Variants in PPP1R3A observed in about 807,000 individuals in gnomAD.
PPP1R3A encodes the protein RG1.
In PPP1R3A, 29 loss-of-function variants were observed where a neutral mutation model predicts 41.7. The observed-to-expected ratio is 0.70, with a 90% CI of 0.52 to 0.95. The LOEUF (loss-of-function observed/expected upper bound fraction) is 0.95, where lower values mean the gene tolerates loss of function less well. Among genes scored for constraint, PPP1R3A ranks in the 40% least tolerant of loss-of-function variants. The probability of loss-of-function intolerance (pLI) is 0.00; values close to 1 mark genes in which losing one functional copy is unlikely to be tolerated. For missense variants in PPP1R3A, 1,352 were observed against 1,292.4 expected, an observed-to-expected ratio of 1.05 and a Z score of -0.71; for synonymous variants, 485 against 453.4, an observed-to-expected ratio of 1.07 and a Z score of -0.89.
chr7:113,914,441 T>C (rs970616066), intron 1 of PPP1R3A, among the ~76,000 whole-genome samples: 2 of 152,140 alleles, frequency 1.3e-5, no homozygotes, highest in Non-Finnish European at 2.9e-5. Flanking sequence ...TAAGTTCTCT[T>C]CCAGCTTTAA....
chr7:113,911,787 C>T (rs1797256200), intron 1 of PPP1R3A, among the ~76,000 whole-genome samples: 1 of 152,016 alleles, frequency 6.6e-6, no homozygotes, highest in African/African-American at 2.4e-5. Context: ...GTCCTGGTAG[C>T]AGGAATGATG....
intron 1 of PPP1R3A, among the ~76,000 whole-genome samples, chr7:113,899,118 A>T (rs538447910): frequency 5.3e-4 from 80 of 151,740 alleles, no homozygotes; most frequent in African/African-American, 1.8e-3. Flanking sequence ...AGAGTCAGTA[A>T]CTCACCTGGA....
In PPP1R3A at chr7:113,878,724, G is replaced by A. The variant is rs1471160727; in HGVS notation, c.2368C>T (p.Arg790Ter). ...TCATAGATTACACCTACTGTATCTCGTTGACAAAGGGTATAATGTGAATCA... is the reference window on the plus strand; with the variant it reads ...TCATAGATTACACCTACTGTATCTCATTGACAAAGGGTATAATGTGAATCA... ...NDDSHYTLCQ[R>*]DTVGVIYDND... The change falls in exon 4 of 4, where the codon CGA (arginine) becomes TGA (stop). Residue 790 changes from arginine to a stop codon, truncating the protein, a stop_gained. Coordinates refer to ENST00000284601, the MANE Select transcript of PPP1R3A (RefSeq NM_002711.4). LOFTEE classifies it low-confidence loss of function (END_TRUNC). 13 of 1,613,120 alleles carry A rather than the reference G, an allele frequency of 8.1e-6. No individual in the cohort carries two copies. Among genetic ancestry groups the A allele is most frequent in the East Asian group, 4.5e-5 (2 of 44,842 alleles).
At chr7:113,888,243 G>C (rs1235444890) in intron 1 of PPP1R3A, among the ~76,000 whole-genome samples, 2 of 152,034 alleles carry the variant, frequency 1.3e-5, no homozygotes, top group Non-Finnish European at 2.9e-5. Context: ...ACAGGAGAGA[G>C]ACGTGGTCAG....
intron 1 of PPP1R3A, among the ~76,000 whole-genome samples, chr7:113,900,936 T>G (rs1256201561): frequency 6.6e-6 from 1 of 151,508 alleles, no homozygotes; most frequent in East Asian, 1.9e-4. Flanking sequence ...CTACAATGAT[T>G]AAGTTTTTTT....
Position 113,918,733 on chromosome 7 carries a change from A to T in PPP1R3A, c.264T>A (p.Ala88=). The T allele has an allele frequency of 6.2e-7, 1 of 1,613,880 alleles. No individual in the cohort carries two copies. The highest frequency in any genetic ancestry group is 1.1e-5 in the South Asian group (1 of 91,076). The stretch of plus-strand genomic sequence containing the variant: ...CCGTCCCTAAGTCAAAAGTGGTTGA[A>T]GCACTCGGTAATTCCCAGCAATCAA... The part of the protein sequence containing the change: ...KEFDCWELPS[A]STTFDLGTDI... Residue 88 remains alanine (A), a synonymous_variant, in exon 1 of 4, where the codon GCT becomes GCA. Transcript: ENST00000284601.
chr7:113,911,115 G>C (rs148039592), intron 1 of PPP1R3A, among the ~76,000 whole-genome samples: 261 of 152,138 alleles, frequency 1.7e-3, no homozygotes, highest in African/African-American at 5.8e-3. Context: ...TCCTACGACA[G>C]GTTTGTTTAA....
At chr7:113,882,880 A>T (rs1299539328) in intron 1 of PPP1R3A, among the ~76,000 whole-genome samples, 1 of 152,040 alleles carries the variant, frequency 6.6e-6, no homozygotes, top group Non-Finnish European at 1.5e-5. Context: ...TAAAAAACTG[A>T]AAGGCAGCTA....
chr7:113,900,254 T>C (rs1043953513), intron 1 of PPP1R3A, among the ~76,000 whole-genome samples: 2 of 151,696 alleles, frequency 1.3e-5, no homozygotes, highest in Non-Finnish European at 2.9e-5. Context: ...GAAAGTACCA[T>C]AAAGTGTATC....
chr7:113,878,510 T>G lies in PPP1R3A; in HGVS notation c.2582A>C (p.Lys861Thr), dbSNP rs764892011. ...TAACATTCCCAACTGTAAATCCAGTTTTGAAGTTGCTTTTTGATATTCTGT... is the reference window on the plus strand; with the variant it reads ...TAACATTCCCAACTGTAAATCCAGTGTTGAAGTTGCTTTTTGATATTCTGT... ...VITEYQKATS[K>T]LDLQLGMLPT... is the part of the protein sequence containing the mutation. Residue 861 changes from lysine to threonine, a missense_variant, in exon 4 of 4, where the codon AAA becomes ACA. Coordinates refer to ENST00000284601, the MANE Select transcript of PPP1R3A (RefSeq NM_002711.4). 120 of 1,613,338 alleles carry G rather than the reference T, an allele frequency of 7.4e-5. No individual in the cohort carries two copies. The highest frequency in any genetic ancestry group is 1.0e-4 in the Non-Finnish European group (119 of 1,179,696).
At chr7:113,888,319 T>TG (rs1365976772) in intron 1 of PPP1R3A, among the ~76,000 whole-genome samples, 1 of 152,076 alleles carries the variant, frequency 6.6e-6, no homozygotes, top group Non-Finnish European at 1.5e-5. Flanking sequence ...TGAGCCACAG[T>TG]GGAGCAGAAA....
chr7:113,903,320 A>G (rs1797095862), intron 1 of PPP1R3A, among the ~76,000 whole-genome samples: 2 of 151,796 alleles, frequency 1.3e-5, no homozygotes, highest in South Asian at 4.1e-4. Flanking sequence ...AAATCTGTGC[A>G]ATATATATCT....
Position 113,877,945 on chromosome 7 carries a change from A to T in PPP1R3A, c.3147T>A (p.Ser1049=), listed in dbSNP as rs1194809867. 5.6e-6 allele frequency: 9 copies of T among 1,613,482 alleles called. 2 individuals are homozygous for T. The Admixed American group carries it at 1.5e-4, about 27-fold the overall frequency. The change falls in exon 4 of 4, where the codon TCT becomes TCA. Residue 1049 remains serine (S), a synonymous_variant. Coordinates refer to ENST00000284601, the MANE Select transcript of PPP1R3A (RefSeq NM_002711.4). ...YTSGEKESDS[S]ASTSLPVEES... ...CCTCAACAGGAAGACTAGTAGAAGC[A>T]GAGCTGTCAGATTCCTTTTCACCTG...
In PPP1R3A at chr7:113,918,547, A is replaced by G. The variant is rs774167458; in HGVS notation, c.450T>C (p.Asn150=). Residue 150 remains asparagine, a synonymous_variant, in exon 1 of 4, where the codon AAT becomes AAC. Coordinates refer to ENST00000284601, the MANE Select transcript of PPP1R3A (RefSeq NM_002711.4). ...CATATACTAACTTCTCAAAAGAAAC[A>G]TTCAAAACTCGAATAATACCCTTGA... ...TSIKGIIRVL[N]VSFEKLVYVR... 1 of 1,612,978 alleles carries G rather than the reference A, an allele frequency of 6.2e-7. No homozygotes were observed.
In PPP1R3A at chr7:113,885,055, C is replaced by G. The variant is rs1796759645; in HGVS notation, c.783-2735G>C. Among the ~76,000 whole-genome samples, 3 of 152,170 alleles carry G rather than the reference C, an allele frequency of 2.0e-5. No individual in the cohort carries two copies. The South Asian group carries it at 6.2e-4, about 32-fold the overall frequency. On this transcript the variant is annotated intron_variant, in intron 1 of 3. Transcript: ENST00000284601. ...ACCTGAAGATGGTTGAAGCTGCAGG[C>G]TTTTTTAAATTTTTTTGGACACAAC... is the stretch of plus-strand genomic sequence containing the variant.
rs1401080563 is a variant in PPP1R3A, at chr7:113,910,635, TTTTG to T, written c.782+7576_782+7579del. Among the ~76,000 whole-genome samples the T allele has an allele frequency of 3.3e-5, 5 of 152,110 alleles. No homozygotes were observed. In the East Asian group the frequency reaches 9.6e-4, roughly 29 times the overall value. ...CAAAAGGTGAGGTTGATAGACTATATTTTGTTTTTCAAATATAGTTTGTGAAACT... is the reference window on the plus strand; with the variant it reads ...CAAAAGGTGAGGTTGATAGACTATATTTTTTCAAATATAGTTTGTGAAACT... On this transcript the variant is annotated intron_variant, in intron 1 of 3. Coordinates refer to ENST00000284601, the MANE Select transcript of PPP1R3A (RefSeq NM_002711.4).
Position 113,918,594 on chromosome 7 carries a change from A to G in PPP1R3A, c.403T>C (p.Ser135Pro). The change falls in exon 1 of 4, where the codon TCT becomes CCT. Residue 135 changes from serine (S) to proline (P), a missense_variant. Transcript: ENST00000284601. Reference sequence around the variant, plus strand: ...TTGATACTTGTAGACCCAAGAAGAGACTCAGTTGACTCCAGTATTGCTTTC... The same window carrying G: ...TTGATACTTGTAGACCCAAGAAGAGGCTCAGTTGACTCCAGTATTGCTTTC... ...IQKAILESTE[S>P]LLGSTSIKGI... 1 of 1,613,546 alleles carries G rather than the reference A, an allele frequency of 6.2e-7. No individual in the cohort carries two copies. Among genetic ancestry groups the G allele is most frequent in the South Asian group, 1.1e-5 (1 of 91,082 alleles).
intron 1 of PPP1R3A, among the ~76,000 whole-genome samples, chr7:113,905,045 G>A (rs1016504744): frequency 4.0e-5 from 6 of 151,518 alleles, no homozygotes; most frequent in African/African-American, 1.5e-4. Flanking sequence ...TACTTTGGGT[G>A]GAGACTTCAG....
At chr7:113,881,131 G>C (rs748999929) in intron 3 of PPP1R3A, among the ~76,000 whole-genome samples, 1 of 151,942 alleles carries the variant, frequency 6.6e-6, no homozygotes, top group Non-Finnish European at 1.5e-5. Context: ...TCTCACAATG[G>C]GTGACAACTT....
Sources: allele counts gnomAD v4.1 joint callset (sites outside exome capture counted in the v4.1 genomes callset), GRCh38; gene constraint gnomAD v4.1.1; transcripts MANE v1.5; gene names NCBI Gene and HGNC (gene_info 2026-07-23, HGNC 2026-07-21).